The following P2RX3 variants were observed in gnomAD, a reference collection of about 807,000 sequenced individuals.
P2RX3 encodes the protein purinergic receptor P2X 3, also known as P2X purinoceptor 3.
In P2RX3, 41 loss-of-function variants were observed where a neutral mutation model predicts 51.5. The observed-to-expected ratio is 0.80, with a 90% CI of 0.62 to 1.03. P2RX3 has a LOEUF of 1.03. Ranked by LOEUF, P2RX3 falls within the 50% of genes least tolerant of loss-of-function variation. The probability of loss-of-function intolerance (pLI) is 0.00; values close to 1 mark genes in which losing one functional copy is unlikely to be tolerated. For missense variants in P2RX3, 459 were observed against 522.1 expected, an observed-to-expected ratio of 0.88 and a Z score of 1.18; for synonymous variants, 185 against 191.6, an observed-to-expected ratio of 0.97 and a Z score of 0.29.
chr11:57,349,862 G>A lies in P2RX3; in HGVS notation c.669G>A (p.Lys223=), dbSNP rs530838897. Residue 223 remains lysine, a synonymous_variant, in exon 7 of 12, where the codon AAG becomes AAA. Coordinates refer to ENST00000263314, the MANE Select transcript of P2RX3 (RefSeq NM_002559.5). ...TCTTGCGGGTAGGGGACGTGGTCAA[G>A]TTTGCGGGGCAGGATTTTGCCAAAC... ...CPILRVGDVV[K]FAGQDFAKLA... The A allele has an allele frequency of 1.2e-6, 2 of 1,614,230 alleles. No individual in the cohort carries two copies. The highest frequency in any genetic ancestry group is 2.7e-5 in the African/African-American group (2 of 75,068).
intron 2 of P2RX3, 36 bp from the exon 3 acceptor site, chr11:57,347,080 G>A (rs1259358696): frequency 1.3e-6 from 2 of 1,579,758 alleles, no homozygotes; most frequent in Middle Eastern, 1.7e-4. Context: ...GATTGGGACT[G>A]TTGGATGTTT....
intron 1 of P2RX3, 123 bp from the exon 2 acceptor site, chr11:57,346,421 G>A (rs1000882221): frequency 1.1e-5 from 13 of 1,212,444 alleles, no homozygotes; most frequent in Non-Finnish European, 1.5e-5. Context: ...GCCTCTGGAA[G>A]GAACCATCCG....
chr11:57,361,481 C>T (rs1856718242), intron 8 of P2RX3, among the ~76,000 whole-genome samples: 1 of 152,114 alleles, frequency 6.6e-6, no homozygotes, highest in African/African-American at 2.4e-5. Context: ...GTGTGTTGTT[C>T]CCCTCCCTGT....
At chr11:57,348,546 A>G in intron 5 of P2RX3, 81 bp from the exon 6 acceptor site, 1 of 1,210,238 alleles carries the variant, frequency 8.3e-7, no homozygotes, top group Non-Finnish European at 1.2e-6. Flanking sequence ...GGCATCCACC[A>G]GGAAAGGTCG....
In P2RX3 at chr11:57,350,601, G is replaced by A. The variant is rs947417835; in HGVS notation, c.706-161G>A. Reference sequence around the variant, plus strand: ...CCGGCCACCACAGCACTTCTTTACTGAGCAGTATATGACATGTCACTTTCC... The same window carrying A: ...CCGGCCACCACAGCACTTCTTTACTAAGCAGTATATGACATGTCACTTTCC... On this transcript the variant is annotated intron_variant, in intron 7 of 11. Coordinates refer to ENST00000263314, the MANE Select transcript of P2RX3 (RefSeq NM_002559.5). 10 of 934,808 alleles carry A rather than the reference G, an allele frequency of 1.1e-5. No homozygotes were observed. The African/African-American group carries it at 1.7e-4, about 15-fold the overall frequency. 57.9% of individuals were successfully genotyped at this position (934,808 alleles called of 1,614,324 possible). A position where few individuals can be genotyped will look rare whatever the true frequency, so the allele number is the denominator to read the frequency against.
intron 1 of P2RX3, chr11:57,340,475 AG>A (rs767027087): frequency 2.0e-5 from 3 of 152,410 alleles, no homozygotes; most frequent in Non-Finnish European, 4.4e-5. Flanking sequence ...TCTGCAGCCC[AG>A]CCCCCTGACC....
At chr11:57,350,495 G>C in intron 7 of P2RX3, 1 of 377,070 alleles carries the variant, frequency 2.7e-6, no homozygotes, top group South Asian at 3.3e-5. Flanking sequence ...TGTTAGCCAG[G>C]ATGGTCTCGA....
At position 57,371,578 on chromosome 11, in the gene P2RX3, C is replaced by T. The variant is rs1202483134; in HGVS notation, c.*1581C>T. 6.6e-6 allele frequency among the ~76,000 whole-genome samples: 1 copy of T among 152,190 alleles called. No individual in the cohort carries two copies. Among genetic ancestry groups the T allele is most frequent in the African/African-American group, 2.4e-5 (1 of 41,450 alleles). ...TGCAAAGGCCTTGCCCAATGACCCC[C>T]CGCTCCAGGGGGAGAAGGGGTAAGA... On this transcript the variant is annotated 3_prime_UTR_variant, in exon 12 of 12. Coordinates refer to ENST00000263314, the MANE Select transcript of P2RX3 (RefSeq NM_002559.5).
At chr11:57,368,259 A>C in intron 9 of P2RX3, 113 bp from the exon 10 acceptor site, 1 of 1,351,486 alleles carries the variant, frequency 7.4e-7, no homozygotes. Context: ...TGTCCCGTGA[A>C]GGGGAGGGAT....
At chr11:57,351,798 T>A (rs952132312) in intron 8 of P2RX3, among the ~76,000 whole-genome samples, 21 of 152,224 alleles carry the variant, frequency 1.4e-4, no homozygotes, top group African/African-American at 5.1e-4. Context: ...GGTTAGCAGT[T>A]CTCAAAGTGT....
chr11:57,366,778 G>C (rs1267367991), intron 8 of P2RX3, among the ~76,000 whole-genome samples: 2 of 152,142 alleles, frequency 1.3e-5, no homozygotes, highest in African/African-American at 4.8e-5. Context: ...GTGTCACATG[G>C]AGAGGGGGCT....
chr11:57,337,851 C>G (rs60857883), upstream of P2RX3, among the ~76,000 whole-genome samples: 1,716 of 152,246 alleles, frequency 0.011, 30 homozygotes, highest in African/African-American at 0.039. Flanking sequence ...AAAAAGAAAA[C>G]AAAACAAAAA....
intron 5 of P2RX3, 110 bp downstream of exon 5, chr11:57,348,373 T>A: frequency 9.3e-7 from 1 of 1,071,700 alleles, no homozygotes; most frequent in Non-Finnish European, 1.3e-6. Context: ...CTTTCTCCAG[T>A]GTTGTCCCTT....
At position 57,371,833 on chromosome 11, in the gene P2RX3, G is replaced by C. The variant is rs901813889; in HGVS notation, c.*1836G>C. ...GGGGAATTCAGCTCTTGGGAGGCTG[G>C]GGTCACAGGGATTCTCTCTAATGGG... On this transcript the variant is annotated 3_prime_UTR_variant, in exon 12 of 12. Transcript: ENST00000263314. Among the ~76,000 whole-genome samples the C allele has an allele frequency of 1.3e-5, 2 of 152,178 alleles. No homozygotes were observed. The highest frequency in any genetic ancestry group is 1.9e-4 in the East Asian group (1 of 5,194).
At chr11:57,365,756 C>T (rs189522780) in intron 8 of P2RX3, among the ~76,000 whole-genome samples, 25 of 152,300 alleles carry the variant, frequency 1.6e-4, no homozygotes, top group African/African-American at 5.8e-4. Flanking sequence ...TGCCTAATTC[C>T]AGAATGCCCC....
chr11:57,369,473 G>T, intron 11 of P2RX3, 35 bp downstream of exon 11: 1 of 1,587,350 alleles, frequency 6.3e-7, no homozygotes, highest in Non-Finnish European at 8.6e-7. Context: ...GGATAAAAGG[G>T]AGAGGGGGCA....
chr11:57,344,993 G>T (rs1324440476), intron 1 of P2RX3, among the ~76,000 whole-genome samples: 1 of 152,174 alleles, frequency 6.6e-6, no homozygotes, highest in Non-Finnish European at 1.5e-5. Context: ...TGAGGAAGGG[G>T]CCTCCTCTCA....
intron 6 of P2RX3, among the ~76,000 whole-genome samples, chr11:57,349,508 C>T (rs768374276): frequency 4.6e-5 from 7 of 151,984 alleles, no homozygotes; most frequent in Non-Finnish European, 1.0e-4. Context: ...TGATTCCTGC[C>T]CTCTCGAACT....
intron 8 of P2RX3, among the ~76,000 whole-genome samples, chr11:57,365,032 C>T (rs1039852940): frequency 3.9e-5 from 6 of 152,184 alleles, no homozygotes; most frequent in African/African-American, 1.4e-4. Context: ...CTTACTCGAG[C>T]AACAGGTACA....
Sources: allele counts gnomAD v4.1 joint callset (sites outside exome capture counted in the v4.1 genomes callset), GRCh38; gene constraint gnomAD v4.1.1; transcripts MANE v1.5; gene names NCBI Gene and HGNC (gene_info 2026-07-23, HGNC 2026-07-21).